Variants in LRRC4C observed in about 807,000 individuals in gnomAD.
The protein encoded by LRRC4C is leucine-rich repeat-containing protein 4C.
A neutral mutation model predicts 33.6 loss-of-function variants in LRRC4C; 5 were observed. The ratio of observed to expected loss-of-function variants is 0.15; its 90% confidence interval spans 0.08 to 0.31. The LOEUF (loss-of-function observed/expected upper bound fraction) is 0.31. LRRC4C is among the 10% of genes least tolerant of loss of function. The probability of loss-of-function intolerance (pLI) is 1.00; values close to 1 mark genes in which losing one functional copy is unlikely to be tolerated. For synonymous variants in LRRC4C, 329 were observed against 302.0 expected (o/e 1.09, Z -0.93); for missense variants, 560 against 796.7 (o/e 0.70, Z 3.58).
At chr11:40,712,197 G>A (rs998936448) in intron 2 of LRRC4C, among the ~76,000 whole-genome samples, 1 of 152,030 alleles carries the variant, frequency 6.6e-6, no homozygotes, top group African/African-American at 2.4e-5. Flanking sequence ...TAAGTAATAG[G>A]TATCTTTTGA....
chr11:41,187,395 C>T (rs1373690597), intron 1 of LRRC4C, among the ~76,000 whole-genome samples: 14 of 152,120 alleles, frequency 9.2e-5, no homozygotes. Context: ...AAGAGCACAC[C>T]AGCAGACCCA....
At chr11:41,158,010 T>C (rs1410163392) in intron 1 of LRRC4C, among the ~76,000 whole-genome samples, 2 of 152,150 alleles carry the variant, frequency 1.3e-5, no homozygotes, top group Non-Finnish European at 2.9e-5. Context: ...ATTTTTGATT[T>C]TTATTTATTT....
chr11:40,903,208 T>C (rs1480839597), intron 2 of LRRC4C, among the ~76,000 whole-genome samples: 1 of 152,162 alleles, frequency 6.6e-6, no homozygotes, highest in Non-Finnish European at 1.5e-5. Flanking sequence ...CTAAATCTAC[T>C]CCACTTGTGC....
At chr11:40,974,947 G>T (rs1446254875) in intron 1 of LRRC4C, among the ~76,000 whole-genome samples, 1 of 152,104 alleles carries the variant, frequency 6.6e-6, no homozygotes. Context: ...CTCAGACTGA[G>T]AATTACAACA....
intron 3 of LRRC4C, chr11:40,446,936 G>C (rs1406335512): frequency 2.0e-5 from 3 of 152,328 alleles, no homozygotes; most frequent in Non-Finnish European, 4.4e-5. Context: ...TGAGATTTGG[G>C]GTGGGGACAC....
intron 1 of LRRC4C, among the ~76,000 whole-genome samples, chr11:41,134,126 C>A (rs971846384): frequency 6.6e-6 from 1 of 152,092 alleles, no homozygotes; most frequent in South Asian, 2.1e-4. Flanking sequence ...GAGGTGGGGT[C>A]TCACTGTGTC....
intron 1 of LRRC4C, among the ~76,000 whole-genome samples, chr11:41,194,215 T>C (rs995854579): frequency 1.2e-4 from 19 of 152,174 alleles, no homozygotes; most frequent in Non-Finnish European, 2.2e-4. Flanking sequence ...ATATGTGTTA[T>C]TGGTAAGGCA....
chr11:41,299,702 C>T (rs1950233931), intron 1 of LRRC4C, among the ~76,000 whole-genome samples: 1 of 152,044 alleles, frequency 6.6e-6, no homozygotes, highest in Admixed American at 6.5e-5. Flanking sequence ...ATCTTTATTT[C>T]AAACAATAAA....
At chr11:40,211,058 T>C (rs1320664420) in intron 5 of LRRC4C, among the ~76,000 whole-genome samples, 1 of 152,202 alleles carries the variant, frequency 6.6e-6, no homozygotes, top group African/African-American at 2.4e-5. Flanking sequence ...ATCACAGGCC[T>C]GAGCAACTGC....
Position 40,116,267 on chromosome 11 carries a change from G to A in LRRC4C, c.26C>T (p.Pro9Leu), listed in dbSNP as rs1460181110. 1 of 1,601,082 alleles carries A rather than the reference G, an allele frequency of 6.2e-7. No homozygotes were observed. Among genetic ancestry groups the A allele is most frequent in the Admixed American group, 1.7e-5 (1 of 59,246 alleles). ...CCTAGGACCTATCATTATCTGCTGTGGATGTAAGGTCATCTTGTTCAACAT... is the reference window on the plus strand; with the variant it reads ...CCTAGGACCTATCATTATCTGCTGTAGATGTAAGGTCATCTTGTTCAACAT... MLNKMTLH[P>L]QQIMIGPRFN... Residue 9 changes from proline (P) to leucine (L), a missense_variant, in exon 7 of 7, where the codon CCA (proline) becomes CTA (leucine). Physicochemically the swap from Pro to Leu is moderately conservative, Grantham distance 98 (BLOSUM62 -3). Transcript: ENST00000528697.
chr11:40,255,760 G>A (rs1475950844), intron 4 of LRRC4C, among the ~76,000 whole-genome samples: 2 of 152,122 alleles, frequency 1.3e-5, no homozygotes, highest in African/African-American at 4.8e-5. Flanking sequence ...TGATGAAGAA[G>A]AATCACTTTC....
intron 4 of LRRC4C, among the ~76,000 whole-genome samples, chr11:40,281,569 T>C (rs993299265): frequency 1.1e-4 from 16 of 152,192 alleles, no homozygotes; most frequent in African/African-American, 3.9e-4. Context: ...GTCATGCACC[T>C]TTTTCAGAAC....
At chr11:41,267,799 TACCC>T (rs888061916) in intron 1 of LRRC4C, among the ~76,000 whole-genome samples, 2 of 152,100 alleles carry the variant, frequency 1.3e-5, no homozygotes, top group African/African-American at 2.4e-5. Context: ...ATAATAATAG[TACCC>T]ACCATCATCG....
chr11:41,364,688 T>A (rs944047298), intron 1 of LRRC4C, among the ~76,000 whole-genome samples: 1 of 152,232 alleles, frequency 6.6e-6, no homozygotes, highest in African/African-American at 2.4e-5. Flanking sequence ...AATTTATTGC[T>A]TGTTTTTACT....
At chr11:40,706,270 A>C (rs1411767990) in intron 2 of LRRC4C, among the ~76,000 whole-genome samples, 2 of 152,182 alleles carry the variant, frequency 1.3e-5, no homozygotes, top group Non-Finnish European at 2.9e-5. Flanking sequence ...TGTTATAGTC[A>C]TGAAGTCCTT....
At chr11:41,305,025 C>T (rs1209720540) in intron 1 of LRRC4C, among the ~76,000 whole-genome samples, 1 of 65,872 alleles carries the variant, frequency 1.5e-5, no homozygotes. Flanking sequence ...CCCGGCCAGC[C>T]GCCCCGTCCG....
intron 3 of LRRC4C, among the ~76,000 whole-genome samples, chr11:40,381,399 G>A (rs1948861593): frequency 6.6e-6 from 1 of 152,026 alleles, no homozygotes; most frequent in Non-Finnish European, 1.5e-5. Flanking sequence ...TAGCCCAGGT[G>A]ACATTAGTAT....
At chr11:41,155,785 C>T (rs1242002729) in intron 1 of LRRC4C, among the ~76,000 whole-genome samples, 1 of 152,128 alleles carries the variant, frequency 6.6e-6, no homozygotes, top group East Asian at 1.9e-4. Context: ...ATCTCTCTCT[C>T]TTTTCCGCTT....
chr11:40,686,515 T>C (rs1261466381), intron 2 of LRRC4C, among the ~76,000 whole-genome samples: 1 of 151,900 alleles, frequency 6.6e-6, no homozygotes, highest in Non-Finnish European at 1.5e-5. Context: ...ACGTTGAGTA[T>C]ACTGTGAAAT....
Sources: allele counts gnomAD v4.1 joint callset (sites outside exome capture counted in the v4.1 genomes callset), GRCh38; gene constraint gnomAD v4.1.1; transcripts MANE v1.5; gene names NCBI Gene and HGNC (gene_info 2026-07-23, HGNC 2026-07-21).